Variants in EMC1 observed in about 807,000 individuals in gnomAD.
EMC1 encodes the protein KIAA0090.
In EMC1, 103 loss-of-function variants were observed where a neutral mutation model predicts 128.8. That is an observed-to-expected ratio of 0.80 (90% confidence interval 0.68 to 0.94). The LOEUF (loss-of-function observed/expected upper bound fraction) is 0.94. Among genes scored for constraint, EMC1 ranks in the 40% least tolerant of loss-of-function variants. The pLI is 0.00. For synonymous variants in EMC1, 442 were observed against 490.4 expected (o/e 0.90, Z 1.30); for missense variants, 1,083 against 1,250.6 (o/e 0.87, Z 2.02).
intron 21 of EMC1, chr1:19,220,375 T>C (rs1258356507): frequency 6.2e-6 from 1 of 161,168 alleles, no homozygotes; most frequent in Non-Finnish European, 1.4e-5. Flanking sequence ...AGAAAGTTCT[T>C]CCTCAGGTAT....
chr1:19,225,743 C>T (rs932265115), intron 18 of EMC1, among the ~76,000 whole-genome samples: 4 of 150,900 alleles, frequency 2.7e-5, no homozygotes, highest in Non-Finnish European at 4.4e-5. Context: ...TGCTTAAGCC[C>T]GGGAGGTCAA....
intron 13 of EMC1, among the ~76,000 whole-genome samples, chr1:19,233,956 TA>T (rs2093543886): frequency 6.6e-6 from 1 of 152,124 alleles, no homozygotes. Context: ...AATAACTCAC[TA>T]AAAAAGGAGC....
At chr1:19,239,576 C>T in intron 8 of EMC1, 1 of 582,866 alleles carries the variant, frequency 1.7e-6, no homozygotes, top group Non-Finnish European at 3.0e-6. Context: ...CATTTATGTC[C>T]CCATATTTCC....
At chr1:19,250,846 C>T (rs2093655710) in intron 1 of EMC1, among the ~76,000 whole-genome samples, 1 of 152,166 alleles carries the variant, frequency 6.6e-6, no homozygotes, top group Admixed American at 6.5e-5. Flanking sequence ...GCAAGCTACT[C>T]CAGGGCCTTA....
In EMC1 at chr1:19,241,099, C is replaced by T; in HGVS notation, c.553G>A (p.Val185Met). The change falls in exon 6 of 23, where the codon GTG becomes ATG. Residue 185 changes from valine (V) to methionine (M), a missense_variant. By Grantham distance (21) the Val-to-Met change is conservative (BLOSUM62 1). Transcript: ENST00000477853. ...YQMVYSYGSG[V>M]VWALGVVPFS... Reference sequence around the variant, plus strand: ...GGAACAACTCCGAGGGCCCACACCACCCCAGAGCCGTAAGAATACACCATC... The same window carrying T: ...GGAACAACTCCGAGGGCCCACACCATCCCAGAGCCGTAAGAATACACCATC... The T allele has an allele frequency of 6.2e-7, 1 of 1,614,188 alleles. No individual in the cohort carries two copies. The highest frequency in any genetic ancestry group is 8.5e-7 in the Non-Finnish European group (1 of 1,180,016).
intron 21 of EMC1, 44 bp from the exon 22 acceptor site, chr1:19,219,742 A>C (rs560254786): frequency 1.9e-6 from 3 of 1,607,114 alleles, no homozygotes; most frequent in Admixed American, 3.3e-5. Flanking sequence ...CACTGCTGTA[A>C]AGGGATCTCT....
rs141420340 is a variant in EMC1 at position 19,219,085 on chromosome 1, T to C, written c.*218A>G. On this transcript the variant is annotated 3_prime_UTR_variant, in exon 23 of 23. Coordinates refer to ENST00000477853, the MANE Select transcript of EMC1 (RefSeq NM_015047.3). ...AAAGCCCATCAGGAATCTCTGAGAG[T>C]GTCAGCTGAGAGAGTTCTGTCTCTC... The C allele has an allele frequency of 1.5e-3, 757 of 514,618 alleles. 6 individuals carry two copies. The highest frequency in any genetic ancestry group is 0.011 in the Middle Eastern group (20 of 1,904). The allele number at this position is 514,618 out of a possible 1,614,324, so 31.9% of individuals were successfully genotyped here.
intron 18 of EMC1, among the ~76,000 whole-genome samples, chr1:19,225,295 T>C (rs960624010): frequency 6.6e-6 from 1 of 152,086 alleles, no homozygotes; most frequent in Non-Finnish European, 1.5e-5. Flanking sequence ...GATGGGAGGA[T>C]TGCTTGAGCC....
rs768362630 is a variant in EMC1 at position 19,238,116 on chromosome 1, C to A, written c.1113G>T (p.Gln371His). Reference protein sequence around the residue: ...SSKDSLACFNQTYTINLYLVE... With the variant: ...SSKDSLACFNHTYTINLYLVE... ...CGAGGTATAGGTTAATGGTGTAGGT[C>A]TGATTGAAGCAAGCCAGAGAGTCCT... Residue 371 changes from glutamine to histidine, a missense_variant, in exon 11 of 23, where the codon CAG becomes CAT. Physicochemically the swap from Gln to His is conservative, Grantham distance 24. Around this residue, in one of 3 missense-constraint regions of EMC1, gnomAD observed 544 missense variants for 572.4 expected, o/e 0.95. Coordinates refer to ENST00000477853, the MANE Select transcript of EMC1 (RefSeq NM_015047.3). The A allele has an allele frequency of 6.2e-7, 1 of 1,614,126 alleles. No homozygotes were observed. The highest frequency in any genetic ancestry group is 8.5e-7 in the Non-Finnish European group (1 of 1,180,036).
chr1:19,224,221 C>G (rs1020719829), intron 18 of EMC1, among the ~76,000 whole-genome samples: 1 of 152,194 alleles, frequency 6.6e-6, no homozygotes, highest in Non-Finnish European at 1.5e-5. Flanking sequence ...TTCCGTCACA[C>G]TTACCCTCGT....
intron 12 of EMC1, 102 bp downstream of exon 12, chr1:19,237,040 G>T: frequency 4.3e-6 from 3 of 699,744 alleles, no homozygotes; most frequent in Non-Finnish European, 5.2e-6. Flanking sequence ...CACTCCACTT[G>T]AATCTCTTCC....
chr1:19,230,800 T>C (rs2151947314), intron 17 of EMC1, 44 bp downstream of exon 17: 1 of 1,611,572 alleles, frequency 6.2e-7, no homozygotes. Context: ...AGGAAACACC[T>C]GCATCTCATC....
intron 1 of EMC1, among the ~76,000 whole-genome samples, chr1:19,248,654 G>A (rs762399396): frequency 3.3e-5 from 5 of 151,952 alleles, no homozygotes; most frequent in Middle Eastern, 3.2e-3. Flanking sequence ...TCTTGACTTC[G>A]TGATCCACCC....
intron 10 of EMC1, 78 bp from the exon 11 acceptor site, chr1:19,238,217 G>C: frequency 1.4e-5 from 22 of 1,546,746 alleles, no homozygotes; most frequent in Non-Finnish European, 1.8e-5. Flanking sequence ...CAAGGATTGG[G>C]GGCAAATACC....
intron 17 of EMC1, among the ~76,000 whole-genome samples, chr1:19,230,128 C>T (rs557554461): frequency 6.6e-6 from 1 of 152,194 alleles, no homozygotes; most frequent in Non-Finnish European, 1.5e-5. Context: ...AGCAAACTGA[C>T]CCCCTTTCTA....
At chr1:19,245,382 A>G (rs12094043) in intron 1 of EMC1, among the ~76,000 whole-genome samples, 67,208 of 151,572 alleles carry the variant, frequency 0.44, 16,074 homozygotes, top group East Asian at 0.72. Context: ...CGGAGGTTGC[A>G]GTGAGCTGAG....
intron 17 of EMC1, among the ~76,000 whole-genome samples, chr1:19,228,250 G>A (rs375488936): frequency 4.0e-4 from 61 of 151,644 alleles, no homozygotes; most frequent in Middle Eastern, 3.4e-3. Context: ...GAAAGGAGGC[G>A]AACGCTCAAT....
chr1:19,241,000 T>A lies in EMC1; in HGVS notation c.636+16A>T. The A allele has an allele frequency of 6.2e-7, 1 of 1,613,376 alleles. No homozygotes were observed. Among genetic ancestry groups the A allele is most frequent in the Non-Finnish European group, 8.5e-7 (1 of 1,179,606 alleles). On this transcript the variant is annotated intron_variant, in intron 6 of 22. Coordinates refer to ENST00000477853, the MANE Select transcript of EMC1 (RefSeq NM_015047.3). ...CAACCCCACCTTATTCACAGGCTCC[T>A]GTCACCCTCCTGTACCTGCTGAACA... is the stretch of plus-strand genomic sequence containing the variant.
At position 19,239,295 on chromosome 1, in the gene EMC1, A is replaced by T; in HGVS notation, c.962T>A (p.Leu321Gln). 1 of 1,614,106 alleles carries T rather than the reference A, an allele frequency of 6.2e-7. No individual in the cohort carries two copies. The highest frequency in any genetic ancestry group is 8.5e-7 in the Non-Finnish European group (1 of 1,179,942). ...CTCCCCAGTGGTGGCAAAGCTCACT[A>T]GGGCAGTCTGGGGGAAAAGCAAGGC... The part of the protein sequence containing the change: ...SLLKNFPQTA[L>Q]VSFATTGEKT... The change falls in exon 9 of 23, where the codon CTA (leucine) becomes CAA (glutamine). Residue 321 changes from leucine to glutamine, a missense_variant. This residue lies in a region of EMC1 where 544 missense variants were observed against 572.4 expected (regional missense o/e 0.95). Coordinates refer to ENST00000477853, the MANE Select transcript of EMC1 (RefSeq NM_015047.3).
Sources: allele counts gnomAD v4.1 joint callset (sites outside exome capture counted in the v4.1 genomes callset), GRCh38; gene constraint gnomAD v4.1.1; regional missense constraint gnomAD v4.1.1; transcripts MANE v1.5; gene names NCBI Gene and HGNC (gene_info 2026-07-23, HGNC 2026-07-21).